Variants in SPHKAP observed in about 807,000 individuals in gnomAD.
SPHKAP encodes the protein SPHK1 interactor, AKAP domain containing.
SPHKAP carries 67 observed loss-of-function variants against 137.5 expected under a neutral mutation model. The observed-to-expected ratio is 0.49, with a 90% confidence interval of 0.40 to 0.60. The LOEUF is 0.60. Among genes scored for constraint, SPHKAP ranks in the 20% least tolerant of loss-of-function variants. The pLI is 0.00. For synonymous variants in SPHKAP, 813 were observed against 785.3 expected, an observed-to-expected ratio of 1.04 and a Z score of -0.59; for missense variants, 2,097 against 2,069.3, an observed-to-expected ratio of 1.01 and a Z score of -0.26.
chr2:228,142,984 C>T (rs1177756497), intron 1 of SPHKAP, among the ~76,000 whole-genome samples: 6 of 152,056 alleles, frequency 3.9e-5, no homozygotes, highest in Admixed American at 3.9e-4. Context: ...CCATGCTTTC[C>T]ACGAGGAATC....
chr2:228,177,665 T>G lies in SPHKAP; in HGVS notation c.32+3902A>C, dbSNP rs184462513. ...ATACAGTATTGGGTTGTTTGTTCCATTTTAAAAAATCAATTTTATTTTTCC... is the reference window on the plus strand; with the variant it reads ...ATACAGTATTGGGTTGTTTGTTCCAGTTTAAAAAATCAATTTTATTTTTCC... On this transcript the variant is annotated intron_variant, in intron 1 of 11. Coordinates refer to ENST00000392056, the MANE Select transcript of SPHKAP (RefSeq NM_001142644.2). Among the ~76,000 whole-genome samples, 6 of 152,284 alleles carry G rather than the reference T, an allele frequency of 3.9e-5. No individual in the cohort carries two copies. In the East Asian group the frequency reaches 1.2e-3, roughly 29 times the overall value.
At chr2:228,141,166 A>G (rs1699595275) in intron 1 of SPHKAP, among the ~76,000 whole-genome samples, 1 of 152,222 alleles carries the variant, frequency 6.6e-6, no homozygotes, top group Admixed American at 6.5e-5. Flanking sequence ...AAATAAAGCC[A>G]GTTCCTAGTG....
chr2:228,137,959 C>T (rs1699486790), intron 1 of SPHKAP, among the ~76,000 whole-genome samples: 1 of 152,212 alleles, frequency 6.6e-6, no homozygotes, highest in Admixed American at 6.5e-5. Flanking sequence ...GTTAGTGTCT[C>T]CTATCTTCCT....
intron 1 of SPHKAP, among the ~76,000 whole-genome samples, chr2:228,149,710 T>G (rs1351520868): frequency 7.2e-6 from 1 of 139,114 alleles, no homozygotes; most frequent in Non-Finnish European, 1.6e-5. Context: ...ATAAATGGTT[T>G]CCTTTTTAAA....
At chr2:228,113,556 G>C (rs145899396) in intron 2 of SPHKAP, among the ~76,000 whole-genome samples, 2,612 of 146,628 alleles carry the variant, frequency 0.018, 34 homozygotes, top group Non-Finnish European at 0.028. Context: ...AAATTATATA[G>C]CTTCTCATTT....
chr2:227,996,425 C>A (rs1693642151), intron 7 of SPHKAP, among the ~76,000 whole-genome samples: 1 of 152,162 alleles, frequency 6.6e-6, no homozygotes, highest in Admixed American at 6.5e-5. Flanking sequence ...TTCTGTCTCT[C>A]TGGTCCCTTC....
chr2:228,115,802 G>A (rs1221972481), intron 2 of SPHKAP, among the ~76,000 whole-genome samples: 1 of 152,130 alleles, frequency 6.6e-6, no homozygotes, highest in Non-Finnish European at 1.5e-5. Context: ...GTTATGGTCT[G>A]AATGTGTCTT....
chr2:228,176,223 T>G (rs999663723), intron 1 of SPHKAP, among the ~76,000 whole-genome samples: 2 of 152,300 alleles, frequency 1.3e-5, no homozygotes, highest in Middle Eastern at 3.4e-3. Flanking sequence ...TTTCCACCTC[T>G]GGGGGAACAT....
chr2:228,030,550 A>AAAAAAAT, intron 3 of SPHKAP, among the ~76,000 whole-genome samples: 2 of 82,506 alleles, frequency 2.4e-5, no homozygotes, highest in Admixed American at 2.8e-4. Context: ...AAACAAAAAA[A>AAAAAAAT]AAAAAATAAA....
At chr2:228,092,781 AT>A (rs1697847736) in intron 3 of SPHKAP, among the ~76,000 whole-genome samples, 1 of 151,944 alleles carries the variant, frequency 6.6e-6, no homozygotes, top group African/African-American at 2.4e-5. Flanking sequence ...ACTGGAGACC[AT>A]TTTTTGAAGT....
At chr2:228,097,069 AT>A (rs1698009312) in intron 3 of SPHKAP, among the ~76,000 whole-genome samples, 1 of 152,168 alleles carries the variant, frequency 6.6e-6, no homozygotes, top group African/African-American at 2.4e-5. Flanking sequence ...CAAACAAATA[AT>A]TTTGCTGAAG....
chr2:228,170,466 G>A (rs1475176141), intron 1 of SPHKAP, among the ~76,000 whole-genome samples: 1 of 152,038 alleles, frequency 6.6e-6, no homozygotes, highest in Non-Finnish European at 1.5e-5. Flanking sequence ...AATCTGTGGA[G>A]CAAGCATTTT....
At chr2:228,149,733 T>C (rs1472121519) in intron 1 of SPHKAP, among the ~76,000 whole-genome samples, 2 of 152,026 alleles carry the variant, frequency 1.3e-5, no homozygotes, top group Non-Finnish European at 2.9e-5. Flanking sequence ...TTTCCCTTTT[T>C]TTGTGACTCA....
chr2:228,090,281 A>G (rs1697682193), intron 3 of SPHKAP, among the ~76,000 whole-genome samples: 1 of 152,222 alleles, frequency 6.6e-6, no homozygotes, highest in African/African-American at 2.4e-5. Flanking sequence ...TCAGACTTAC[A>G]TGAGGCCTAT....
rs201849881 is a variant in SPHKAP, at chr2:228,020,037, T to G, written c.817A>C (p.Ile273Leu). 6.2e-7 allele frequency: 1 copy of G among 1,614,242 alleles called. No homozygotes were observed. Among genetic ancestry groups the G allele is most frequent in the Admixed American group, 1.7e-5 (1 of 60,034 alleles). Residue 273 changes from isoleucine (I) to leucine (L), a missense_variant, in exon 7 of 12, where the codon ATC becomes CTC. By Grantham distance (5) the Ile-to-Leu change is conservative. Coordinates refer to ENST00000392056, the MANE Select transcript of SPHKAP (RefSeq NM_001142644.2). ...KWLYALEDKY[I>L]NKYPTPLIKT... is the part of the protein sequence containing the mutation. ...ATCAATGGTGTGGGATATTTGTTGATGTATTTGTCTTCCAAAGCATAAAGC... is the reference window on the plus strand; with the variant it reads ...ATCAATGGTGTGGGATATTTGTTGAGGTATTTGTCTTCCAAAGCATAAAGC...
At chr2:227,985,278 C>A (rs977193920) in intron 11 of SPHKAP, among the ~76,000 whole-genome samples, 3 of 152,018 alleles carry the variant, frequency 2.0e-5, no homozygotes, top group African/African-American at 7.3e-5. Context: ...GCTCTGAGGC[C>A]GTGACGACTT....
At chr2:228,047,684 TGTG>T (rs1366134629) in intron 3 of SPHKAP, among the ~76,000 whole-genome samples, 1 of 152,072 alleles carries the variant, frequency 6.6e-6, no homozygotes, top group Admixed American at 6.6e-5. Context: ...CAGAGCTAGG[TGTG>T]GTATGCAGTG....
intron 3 of SPHKAP, among the ~76,000 whole-genome samples, chr2:228,028,345 T>C (rs2106232487): frequency 6.6e-6 from 1 of 152,362 alleles, no homozygotes; most frequent in East Asian, 1.9e-4. Context: ...TTTAGTTCAT[T>C]TTACTTTATT....
chr2:228,004,693 T>C (rs992529880), intron 7 of SPHKAP, among the ~76,000 whole-genome samples: 3 of 152,226 alleles, frequency 2.0e-5, no homozygotes, highest in Non-Finnish European at 4.4e-5. Context: ...TGTGGGCATT[T>C]AGTGGTATAA....
Sources: allele counts gnomAD v4.1 joint callset (sites outside exome capture counted in the v4.1 genomes callset), GRCh38; gene constraint gnomAD v4.1.1; transcripts MANE v1.5; gene names NCBI Gene and HGNC (gene_info 2026-07-23, HGNC 2026-07-21).